The following SORCS3 variants were observed in gnomAD, a reference collection of about 807,000 sequenced individuals.
SORCS3 encodes sortilin related VPS10 domain containing receptor 3, also known as VPS10 domain-containing receptor SorCS3.
In SORCS3, 57 loss-of-function variants were observed where a neutral mutation model predicts 146.3. The ratio of observed to expected loss-of-function variants is 0.39; its 90% CI spans 0.31 to 0.49. SORCS3 has a LOEUF of 0.49. SORCS3 is among the 20% of genes least tolerant of loss of function. The probability of loss-of-function intolerance (pLI) is 0.92; values close to 1 mark genes in which losing one functional copy is unlikely to be tolerated. For synonymous variants in SORCS3, 653 were observed against 618.5 expected (o/e 1.06, Z -0.83); for missense variants, 1,341 against 1,575.5 (o/e 0.85, Z 2.52).
At chr10:105,023,016 C>T (rs756823938) in intron 4 of SORCS3, among the ~76,000 whole-genome samples, 6 of 152,128 alleles carry the variant, frequency 3.9e-5, no homozygotes, top group Admixed American at 1.3e-4. Flanking sequence ...TATGCTCCCC[C>T]CTCTACCAGT....
At chr10:105,261,352 A>G (rs1027322024) in intron 25 of SORCS3, among the ~76,000 whole-genome samples, 3 of 152,200 alleles carry the variant, frequency 2.0e-5, no homozygotes, top group Non-Finnish European at 4.4e-5. Context: ...TAAGTCCCCA[A>G]GATGTTGAAG....
At chr10:104,930,134 A>G (rs149332052) in intron 3 of SORCS3, among the ~76,000 whole-genome samples, 2 of 152,278 alleles carry the variant, frequency 1.3e-5, no homozygotes, top group African/African-American at 4.8e-5. Context: ...TTGAAATAAT[A>G]AAAAAATCAA....
intron 10 of SORCS3, 35 bp downstream of exon 10, chr10:105,157,319 C>A (rs1589660819): frequency 3.1e-6 from 5 of 1,607,706 alleles, no homozygotes; most frequent in Non-Finnish European, 3.4e-6. Context: ...GTTCACAGGG[C>A]AGGCTGGCCA....
intron 1 of SORCS3, among the ~76,000 whole-genome samples, chr10:104,704,919 A>T (rs1044957927): frequency 3.9e-5 from 6 of 152,274 alleles, no homozygotes; most frequent in African/African-American, 1.2e-4. Flanking sequence ...TTAAGAGTGT[A>T]CACAGGTGCC....
intron 2 of SORCS3, among the ~76,000 whole-genome samples, chr10:104,911,859 G>C (rs2018972502): frequency 6.6e-6 from 1 of 152,050 alleles, no homozygotes; most frequent in Non-Finnish European, 1.5e-5. Context: ...GAATCTCCCA[G>C]CCTCTGTTGC....
chr10:105,109,738 CCTTTA>C (rs1442623121), intron 7 of SORCS3, among the ~76,000 whole-genome samples: 1 of 151,590 alleles, frequency 6.6e-6, no homozygotes, highest in Non-Finnish European at 1.5e-5. Context: ...ATACTTAAAG[CCTTTA>C]AAAAATATTT....
chr10:104,952,207 C>G (rs1434192014), intron 3 of SORCS3, among the ~76,000 whole-genome samples: 5 of 123,940 alleles, frequency 4.0e-5, no homozygotes, highest in Non-Finnish European at 8.0e-5. Flanking sequence ...GGACCCAAAT[C>G]TGTGGTTAAG....
At chr10:105,092,253 T>C (rs767400371) in intron 6 of SORCS3, among the ~76,000 whole-genome samples, 3 of 152,206 alleles carry the variant, frequency 2.0e-5, no homozygotes, top group Non-Finnish European at 2.9e-5. Context: ...ATTGCCAGAA[T>C]TCAATAATTG....
intron 14 of SORCS3, among the ~76,000 whole-genome samples, chr10:105,194,550 A>G (rs1387319727): frequency 6.6e-6 from 1 of 152,180 alleles, no homozygotes; most frequent in Non-Finnish European, 1.5e-5. Context: ...GTTTGGCCAT[A>G]CTAAGAATTC....
At chr10:105,203,494 A>G (rs2056585784) in intron 16 of SORCS3, among the ~76,000 whole-genome samples, 1 of 152,136 alleles carries the variant, frequency 6.6e-6, no homozygotes, top group Non-Finnish European at 1.5e-5. Context: ...TGAATTTGTC[A>G]TGATACATAT....
At chr10:104,797,076 C>G (rs1564686214) in intron 1 of SORCS3, among the ~76,000 whole-genome samples, 1 of 152,210 alleles carries the variant, frequency 6.6e-6, no homozygotes, top group South Asian at 2.1e-4. Context: ...TCCCTAATGA[C>G]ATGGGATGAG....
intron 2 of SORCS3, among the ~76,000 whole-genome samples, chr10:104,855,692 C>G (rs890798192): frequency 5.9e-5 from 9 of 151,738 alleles, no homozygotes; most frequent in Admixed American, 6.6e-5. Flanking sequence ...AGACCTTGCT[C>G]AACTTATTTG....
In SORCS3 at chr10:104,641,509, C is replaced by A; in HGVS notation, c.182C>A (p.Pro61Gln). The A allele has an allele frequency of 1.4e-6, 2 of 1,474,570 alleles. No individual in the cohort carries two copies. The highest frequency in any genetic ancestry group is 1.8e-6 in the Non-Finnish European group (2 of 1,121,382). The allele number at this position is 1,474,570 out of a possible 1,614,324, so 91.3% of individuals were successfully genotyped here. The change falls in exon 1 of 27, where the codon CCG (proline) becomes CAG (glutamine). Residue 61 changes from proline (P) to glutamine (Q), a missense_variant. Pro to Gln is a moderately conservative substitution (Grantham distance 76, BLOSUM62 -1). Transcript: ENST00000369701. The surrounding 1 kb of genome is among the most constrained non-coding windows in gnomAD (Gnocchi z 6.4). ...CCACCGGCGTTGTCTCCACTCTCGCCGCGGGCAGTGGCCAGCCAGTGGCCG... is the reference window on the plus strand; with the variant it reads ...CCACCGGCGTTGTCTCCACTCTCGCAGCGGGCAGTGGCCAGCCAGTGGCCG... Reference protein sequence around the residue: ...SRPPALSPLSPRAVASQWPEE... With the variant: ...SRPPALSPLSQRAVASQWPEE...
chr10:104,744,878 G>A (rs147440839), intron 1 of SORCS3, among the ~76,000 whole-genome samples: 3 of 152,224 alleles, frequency 2.0e-5, no homozygotes, highest in Admixed American at 6.5e-5. Context: ...TGTATTAAAA[G>A]TGAAGACACG....
At chr10:105,123,007 T>C (rs1045106226) in intron 7 of SORCS3, among the ~76,000 whole-genome samples, 2 of 152,224 alleles carry the variant, frequency 1.3e-5, no homozygotes, top group African/African-American at 2.4e-5. Flanking sequence ...CTCAGTTTCC[T>C]TGTGGCAAAA....
intron 3 of SORCS3, among the ~76,000 whole-genome samples, chr10:104,921,741 A>G (rs1353940539): frequency 1.3e-5 from 2 of 152,072 alleles, no homozygotes; most frequent in Non-Finnish European, 1.5e-5. Context: ...TTTGGAAAAT[A>G]GCTAATAAGA....
intron 3 of SORCS3, among the ~76,000 whole-genome samples, chr10:104,977,030 G>A (rs1385829989): frequency 6.6e-6 from 1 of 151,592 alleles, no homozygotes; most frequent in African/African-American, 2.4e-5. Flanking sequence ...TGCACATTGT[G>A]CACATATACC....
At chr10:104,653,789 T>C (rs183232685) in intron 1 of SORCS3, among the ~76,000 whole-genome samples, 99 of 152,354 alleles carry the variant, frequency 6.5e-4, no homozygotes, top group Non-Finnish European at 1.1e-3. Flanking sequence ...CAAGCAGTTA[T>C]CATTTGTGTT....
intron 3 of SORCS3, among the ~76,000 whole-genome samples, chr10:104,945,566 C>CTT (rs10707282): frequency 8.1e-5 from 11 of 135,100 alleles, no homozygotes; most frequent in Non-Finnish European, 1.8e-4. Context: ...GCCTAATGTT[C>CTT]TTTTTTTTTT....
Sources: allele counts gnomAD v4.1 joint callset (sites outside exome capture counted in the v4.1 genomes callset), GRCh38; gene constraint gnomAD v4.1.1; non-coding constraint Gnocchi (gnomAD v3.1); transcripts MANE v1.5; gene names NCBI Gene and HGNC (gene_info 2026-07-23, HGNC 2026-07-21).